The following SRRM1 variants were observed in gnomAD, a reference collection of about 807,000 sequenced individuals.
The protein encoded by SRRM1 is serine/arginine repetitive matrix protein 1.
A neutral mutation model predicts 110.2 loss-of-function variants in SRRM1; 19 were observed. The observed-to-expected ratio is 0.17, with a 90% CI of 0.12 to 0.25. SRRM1 has a LOEUF of 0.25. Ranked by LOEUF, SRRM1 falls within the 10% of genes least tolerant of loss-of-function variation. The pLI is 1.00. For missense variants in SRRM1, 918 were observed against 1,145.8 expected (o/e 0.80, Z 2.87); for synonymous variants, 443 against 414.9 (o/e 1.07, Z -0.82).
intron 10 of SRRM1, 43 bp from the exon 11 acceptor site, chr1:24,661,267 T>C (rs750115958): frequency 6.7e-7 from 1 of 1,500,448 alleles, no homozygotes; most frequent in East Asian, 2.3e-5. Flanking sequence ...ATTTTCTATA[T>C]GCTTAACTAA....
chr1:24,655,261 T>A lies in SRRM1; in HGVS notation c.1315+132T>A, dbSNP rs570416535. 8.7e-5 allele frequency: 94 copies of A among 1,076,914 alleles called. No individual in the cohort carries two copies. The South Asian group carries it at 1.5e-3, about 17-fold the overall frequency. 66.7% of individuals were successfully genotyped at this position (1,076,914 alleles called of 1,614,324 possible). ...TTTGTATCTAATACTCTCTGTAGGT[T>A]TACTTATAAGCCTACCTCTTTCCTG... On this transcript the variant is annotated intron_variant, in intron 9 of 16. Transcript: ENST00000323848.
At chr1:24,668,985 TA>T in intron 13 of SRRM1, 137 bp from the exon 14 acceptor site, 1 of 671,486 alleles carries the variant, frequency 1.5e-6, no homozygotes, top group Non-Finnish European at 2.5e-6. Flanking sequence ...AGTGAGAATA[TA>T]AAGATAGCAT....
chr1:24,649,033 A>T lies in SRRM1; in HGVS notation c.405+4A>T. The T allele has an allele frequency of 6.2e-7, 1 of 1,611,016 alleles. No homozygotes were observed. Among genetic ancestry groups the T allele is most frequent in the Non-Finnish European group, 8.5e-7 (1 of 1,179,248 alleles). ...AGAAGAAATAAAACAAAGACAGGTA[A>T]TAACCTTTTCTTTTCTGTAATGTCG... On this transcript the variant is annotated splice_donor_region_variant and intron_variant, in intron 4 of 16. Coordinates refer to ENST00000323848, the MANE Select transcript of SRRM1 (RefSeq NM_005839.4).
At chr1:24,650,879 G>A (rs1660265108) in intron 5 of SRRM1, among the ~76,000 whole-genome samples, 2 of 152,148 alleles carry the variant, frequency 1.3e-5, no homozygotes, top group Non-Finnish European at 2.9e-5. Context: ...TTCGAGTTAG[G>A]CAGGCTACTG....
At chr1:24,648,819 T>C (rs1198943227) in intron 3 of SRRM1, 40 bp from the exon 4 acceptor site, 1 of 1,595,504 alleles carries the variant, frequency 6.3e-7, no homozygotes, top group Non-Finnish European at 8.5e-7. Flanking sequence ...TGGTTGGTTT[T>C]GAAGTAACCT....
At chr1:24,651,286 CATAGGGAAACATCTCAG>C (rs1194742165) in intron 5 of SRRM1, 106 bp from the exon 6 acceptor site, 1 of 758,900 alleles carries the variant, frequency 1.3e-6, no homozygotes, top group Non-Finnish European at 2.1e-6. Flanking sequence ...GTCTTATTTC[CATAGGGAAACATCTCAG>C]ATATAAACAG....
rs746400594 is a variant in SRRM1 at position 24,672,280 on chromosome 1, G to C, written c.2709G>C (p.Gln903His). ...TGAGGAAGGCCCAAGTGTCCCCACA[G>C]TCTTAGGGGGAAATGTTTGTTATGA... ...RSMRKAQVSP[Q>H]S The change falls in exon 17 of 17, where the codon CAG (glutamine) becomes CAC (histidine). Residue 903 changes from glutamine to histidine, a missense_variant. By Grantham distance (24) the Gln-to-His change is conservative (BLOSUM62 0). Coordinates refer to ENST00000323848, the MANE Select transcript of SRRM1 (RefSeq NM_005839.4). 1 of 1,594,802 alleles carries C rather than the reference G, an allele frequency of 6.3e-7. No individual in the cohort carries two copies. The highest frequency in any genetic ancestry group is 1.1e-5 in the South Asian group (1 of 88,802).
rs758148138 is a variant in SRRM1 at position 24,651,509 on chromosome 1, C to T, written c.622C>T (p.Arg208Trp). Residue 208 changes from arginine (R) to tryptophan (W), a missense_variant, in exon 6 of 17, where the codon CGG becomes TGG. Coordinates refer to ENST00000323848, the MANE Select transcript of SRRM1 (RefSeq NM_005839.4). ...SRSPRHRTKS[R>W]SPSPAPEKKE... ...ATCTCCCCGTCACAGAACCAAGAGC[C>T]GGAGTCCTTCCCCTGCTCCAGAAAA... 1 of 1,614,154 alleles carries T rather than the reference C, an allele frequency of 6.2e-7. No homozygotes were observed. Among genetic ancestry groups the T allele is most frequent in the South Asian group, 1.1e-5 (1 of 91,084 alleles).
At chr1:24,659,855 C>T (rs1461193343) in intron 9 of SRRM1, among the ~76,000 whole-genome samples, 1 of 152,210 alleles carries the variant, frequency 6.6e-6, no homozygotes, top group Non-Finnish European at 1.5e-5. Flanking sequence ...CCACTGCTCT[C>T]CTACTACTTG....
chr1:24,659,584 C>T (rs1462664891), intron 9 of SRRM1, among the ~76,000 whole-genome samples: 1 of 152,120 alleles, frequency 6.6e-6, no homozygotes, highest in African/African-American at 2.4e-5. Context: ...ATACTATAAG[C>T]AGAGTTAGTT....
chr1:24,645,684 A>G (rs1657086713), intron 1 of SRRM1, among the ~76,000 whole-genome samples: 1 of 152,222 alleles, frequency 6.6e-6, no homozygotes, highest in South Asian at 2.1e-4. Flanking sequence ...TTAGCATAGG[A>G]AAAGGTGTGA....
chr1:24,667,572 T>C (rs1184665125), intron 13 of SRRM1, among the ~76,000 whole-genome samples: 1 of 152,166 alleles, frequency 6.6e-6, no homozygotes, highest in Non-Finnish European at 1.5e-5. Context: ...CAAACCCAAA[T>C]TGAAAGTCAT....
intron 16 of SRRM1, 106 bp downstream of exon 16, chr1:24,671,701 T>TA (rs1672804632): frequency 8.1e-6 from 8 of 988,894 alleles, no homozygotes; most frequent in Non-Finnish European, 1.2e-5. Flanking sequence ...ATTAGCCAGT[T>TA]ACTCTGAGAT....
At chr1:24,657,848 T>C (rs988410385) in intron 9 of SRRM1, among the ~76,000 whole-genome samples, 1 of 152,234 alleles carries the variant, frequency 6.6e-6, no homozygotes, top group Admixed American at 6.5e-5. Context: ...TTATTTAGAT[T>C]AGCTTGGCCA....
At position 24,661,220 on chromosome 1, in the gene SRRM1, G is replaced by GA. The variant is rs879105474; in HGVS notation, c.1397-88dup. ...AGTTGTATTTTTGATCCAACCAAAT[G>GA]AAGGTTTGAGAGACTATTTTCCTAT... On this transcript the variant is annotated intron_variant, in intron 10 of 16. Coordinates refer to ENST00000323848, the MANE Select transcript of SRRM1 (RefSeq NM_005839.4). The GA allele has an allele frequency of 2.0e-5, 17 of 841,246 alleles. No homozygotes were observed. The South Asian group carries it at 2.6e-4, about 13-fold the overall frequency. The allele number at this position is 841,246 out of a possible 1,614,324, so 52.1% of individuals were successfully genotyped here. A position where few individuals can be genotyped will look rare whatever the true frequency, so the allele number is the denominator to read the frequency against.
At position 24,652,973 on chromosome 1, in the gene SRRM1, T is replaced by C; in HGVS notation, c.981T>C (p.Thr327=). The C allele has an allele frequency of 6.2e-7, 1 of 1,613,960 alleles. No individual in the cohort carries two copies. Among genetic ancestry groups the C allele is most frequent in the African/African-American group, 1.3e-5 (1 of 75,026 alleles). Residue 327 remains threonine (T), a synonymous_variant, in exon 8 of 17, where the codon ACT becomes ACC. Coordinates refer to ENST00000323848, the MANE Select transcript of SRRM1 (RefSeq NM_005839.4). ...PRRRPSPRRR[T]PPRRMPPPPR... ...GGCGGCCATCTCCTCGAAGAAGAACTCCGCCAAGAAGAATGCCTCCTCCAC... is the reference window on the plus strand; with the variant it reads ...GGCGGCCATCTCCTCGAAGAAGAACCCCGCCAAGAAGAATGCCTCCTCCAC...
At chr1:24,645,620 A>C (rs1657018440) in intron 1 of SRRM1, among the ~76,000 whole-genome samples, 1 of 152,214 alleles carries the variant, frequency 6.6e-6, no homozygotes. Flanking sequence ...AAAAGAATGA[A>C]ATTTCAAATA....
intron 5 of SRRM1, 38 bp downstream of exon 5, chr1:24,650,124 T>C: frequency 1.4e-6 from 2 of 1,480,488 alleles, no homozygotes; most frequent in Non-Finnish European, 1.8e-6. Flanking sequence ...GTTTTACAGG[T>C]ACTTTAGGTC....
chr1:24,669,502 T>C lies in SRRM1; in HGVS notation c.2119T>C (p.Ser707Pro), dbSNP rs1029353722. Reference protein sequence around the residue: ...PPPVRRGASSSPQRRQSPSPS... With the variant: ...PPPVRRGASSPPQRRQSPSPS... Reference sequence around the variant, plus strand: ...ACCCGTTCGAAGAGGAGCGTCGTCATCACCCCAAAGAAGGCAGTCCCCGTC... The same window carrying C: ...ACCCGTTCGAAGAGGAGCGTCGTCACCACCCCAAAGAAGGCAGTCCCCGTC... The change falls in exon 14 of 17, where the codon TCA (serine) becomes CCA (proline). Residue 707 changes from serine to proline, a missense_variant. Physicochemically the swap from Ser to Pro is moderately conservative, Grantham distance 74. This residue lies in a region of SRRM1 where 357 missense variants were observed against 402.9 expected (regional missense o/e 0.89). Transcript: ENST00000323848. The C allele has an allele frequency of 1.9e-6, 3 of 1,611,850 alleles. No homozygotes were observed. The highest frequency in any genetic ancestry group is 1.7e-5 in the Admixed American group (1 of 59,640).
Sources: gnomAD v4.1 joint callset for allele counts (sites outside exome capture counted in the v4.1 genomes callset) on GRCh38, gnomAD v4.1.1 for gene constraint, gnomAD v4.1.1 regional missense constraint, MANE v1.5 for transcripts, NCBI Gene and HGNC (gene_info 2026-07-23, HGNC 2026-07-21) for gene names.